YPEL2: variants seen among roughly 807,000 people sequenced by gnomAD.
The protein encoded by YPEL2 is protein yippee-like 2.
YPEL2 carries 2 observed loss-of-function variants against 19.1 expected under a neutral mutation model. The ratio of observed to expected loss-of-function variants is 0.10; its 90% confidence interval spans 0.04 to 0.33. The LOEUF (loss-of-function observed/expected upper bound fraction) is 0.33. Among genes scored for constraint, YPEL2 ranks in the 10% least tolerant of loss-of-function variants. The pLI is 1.00. For missense variants in YPEL2, 66 were observed against 140.7 expected (o/e 0.47, Z 2.68); for synonymous variants, 52 against 50.0 (o/e 1.04, Z -0.17).
At position 59,353,741 on chromosome 17, in the gene YPEL2, CT is replaced by C. The variant is rs1450327734; in HGVS notation, c.117+217del. On this transcript the variant is annotated intron_variant, in intron 2 of 4. Coordinates refer to ENST00000312655, the MANE Select transcript of YPEL2 (RefSeq NM_001005404.4). This position sits in a 1 kb window ranked among gnomAD's most constrained non-coding sequence, Gnocchi z 4.8. ...GTTATTTTGGAAATGAGGTGTCATC[CT>C]TGTTGGAGGCTTTGGGAGCTGGCAG... 2 of 529,462 alleles carry C rather than the reference CT, an allele frequency of 3.8e-6. No homozygotes were observed. Among genetic ancestry groups the C allele is most frequent in the Non-Finnish European group, 7.1e-6 (2 of 282,032 alleles). The allele number at this position is 529,462 out of a possible 1,614,324, so 32.8% of individuals were successfully genotyped here.
intron 2 of YPEL2, among the ~76,000 whole-genome samples, chr17:59,381,013 T>C (rs111919167): frequency 0.011 from 1,653 of 152,358 alleles, 16 homozygotes; most frequent in Middle Eastern, 0.054. Context: ...TCCAGGCTCC[T>C]GTAAAGGCCA....
chr17:59,380,791 G>C (rs545499087), intron 2 of YPEL2, among the ~76,000 whole-genome samples: 3 of 152,346 alleles, frequency 2.0e-5, no homozygotes, highest in Admixed American at 6.5e-5. Flanking sequence ...GCAAGTGCCA[G>C]GTGCTTTAAA....
At chr17:59,355,518 A>G (rs984462618) in intron 2 of YPEL2, 2 of 152,312 alleles carry the variant, frequency 1.3e-5, no homozygotes, top group Admixed American at 6.5e-5. Context: ...CATCGCCTGA[A>G]TATGCAGGTA....
At chr17:59,362,095 C>T (rs1053065549) in intron 2 of YPEL2, among the ~76,000 whole-genome samples, 4 of 152,118 alleles carry the variant, frequency 2.6e-5, no homozygotes, top group African/African-American at 9.7e-5. Context: ...ACATGACCAG[C>T]AAATGGTTAG....
intron 1 of YPEL2, among the ~76,000 whole-genome samples, chr17:59,334,914 ATTGGAAAAG>A: frequency 8.5e-5 from 13 of 152,342 alleles, no homozygotes; most frequent in Admixed American, 4.6e-4. Flanking sequence ...ATGTCCCAGG[ATTGGAAAAG>A]CCAGAAGGAA....
At chr17:59,379,789 A>G (rs2047939408) in intron 2 of YPEL2, among the ~76,000 whole-genome samples, 1 of 152,060 alleles carries the variant, frequency 6.6e-6, no homozygotes, top group African/African-American at 2.4e-5. Context: ...TAAAAGCTCA[A>G]GTTTACGTTT....
chr17:59,399,410 T>G lies in YPEL2; in HGVS notation c.*2220T>G, dbSNP rs942610240. On this transcript the variant is annotated 3_prime_UTR_variant, in exon 5 of 5. Transcript: ENST00000312655. ...ACAAATGGAATGTGGTGACATAAAC[T>G]AGACATGGGGTGCCCTCAAGTTTCC... is the stretch of plus-strand genomic sequence containing the variant. The G allele has an allele frequency of 6.6e-6, 1 of 152,226 alleles. No individual in the cohort carries two copies. Among genetic ancestry groups the G allele is most frequent in the Non-Finnish European group, 1.5e-5 (1 of 68,056 alleles). The allele number at this position is 152,226 out of a possible 1,614,324, so 9.4% of individuals were successfully genotyped here.
At chr17:59,384,447 TA>T (rs1222418048) in intron 2 of YPEL2, among the ~76,000 whole-genome samples, 1 of 152,238 alleles carries the variant, frequency 6.6e-6, no homozygotes, top group South Asian at 2.1e-4. Context: ...TCGTGTTTTT[TA>T]AAAAAATAAG....
At chr17:59,391,089 C>T (rs1006323459) in intron 4 of YPEL2, among the ~76,000 whole-genome samples, 3 of 152,138 alleles carry the variant, frequency 2.0e-5, no homozygotes, top group Admixed American at 6.6e-5. Flanking sequence ...CTTGCCCTCC[C>T]TGTCATTGTG....
chr17:59,344,567 G>A (rs1409864102), intron 1 of YPEL2, among the ~76,000 whole-genome samples: 1 of 152,134 alleles, frequency 6.6e-6, no homozygotes, highest in Non-Finnish European at 1.5e-5. Flanking sequence ...AGACCAGCCT[G>A]GCCAACTTGG....
chr17:59,389,627 T>C (rs1237709753), intron 4 of YPEL2, among the ~76,000 whole-genome samples, 159 bp downstream of exon 4: 3 of 152,042 alleles, frequency 2.0e-5, no homozygotes, highest in Admixed American at 6.6e-5. Flanking sequence ...TTTCTGCTGA[T>C]ATATTTCCCT....
At chr17:59,384,381 CCTTTGTAGTA>C (rs1269921623) in intron 2 of YPEL2, among the ~76,000 whole-genome samples, 2 of 152,102 alleles carry the variant, frequency 1.3e-5, no homozygotes, top group Non-Finnish European at 2.9e-5. Context: ...TAAGTGAACC[CCTTTGTAGTA>C]CTTCATCTCA....
At chr17:59,372,974 A>G (rs1174423932) in intron 2 of YPEL2, among the ~76,000 whole-genome samples, 4 of 152,186 alleles carry the variant, frequency 2.6e-5, no homozygotes, top group Non-Finnish European at 5.9e-5. Context: ...CCCAGGCTCA[A>G]GTGATTCTCC....
chr17:59,343,910 A>G (rs189683570), intron 1 of YPEL2, among the ~76,000 whole-genome samples: 20 of 152,246 alleles, frequency 1.3e-4, no homozygotes, highest in Admixed American at 7.2e-4. Flanking sequence ...ATGAGAGAAG[A>G]TGGGGTTCAC....
intron 2 of YPEL2, 31 bp from the exon 3 acceptor site, chr17:59,388,296 C>CT: frequency 6.2e-7 from 1 of 1,612,602 alleles, no homozygotes; most frequent in South Asian, 1.1e-5. Context: ...AAATGGATGT[C>CT]TAACTATCGA....
chr17:59,339,442 T>G (rs1177459055), intron 1 of YPEL2, among the ~76,000 whole-genome samples: 1 of 152,238 alleles, frequency 6.6e-6, no homozygotes, highest in African/African-American at 2.4e-5. Context: ...GTGCCTAATC[T>G]GTTGTCCCAC....
At chr17:59,341,155 G>A (rs1175873922) in intron 1 of YPEL2, among the ~76,000 whole-genome samples, 1 of 150,432 alleles carries the variant, frequency 6.6e-6, no homozygotes, top group Non-Finnish European at 1.5e-5. Flanking sequence ...CGAAACCCCT[G>A]TAATCCCAGC....
intron 2 of YPEL2, among the ~76,000 whole-genome samples, chr17:59,368,503 G>A (rs2047881617): frequency 6.6e-6 from 1 of 152,166 alleles, no homozygotes; most frequent in Non-Finnish European, 1.5e-5. Context: ...ATGTTATGAG[G>A]GTAAAGAGCA....
intron 1 of YPEL2, among the ~76,000 whole-genome samples, chr17:59,337,884 C>T (rs2047707747): frequency 6.6e-6 from 1 of 152,304 alleles, no homozygotes; most frequent in South Asian, 2.1e-4. Context: ...TAAACCATAC[C>T]TTCTGTTTCC....
Sources: allele counts gnomAD v4.1 joint callset (sites outside exome capture counted in the v4.1 genomes callset), GRCh38; gene constraint gnomAD v4.1.1; non-coding constraint Gnocchi (gnomAD v3.1); transcripts MANE v1.5; gene names NCBI Gene and HGNC (gene_info 2026-07-23, HGNC 2026-07-21).